LRTM3: variants seen among roughly 807,000 people sequenced by gnomAD.
The protein encoded by LRTM3 is leucine rich repeat transmembrane protein 3, also known as leucine-rich repeat transmembrane protein 3.
chr13:102,748,735 A>C, the LRTM3 span: 1 of 1,549,732 alleles, frequency 6.5e-7, no homozygotes, highest in Non-Finnish European at 8.7e-7. Context: ...AGTCTTTAAG[A>C]GATTCTTTAC....
the LRTM3 span, chr13:102,758,414 C>A: frequency 6.5e-7 from 1 of 1,530,558 alleles, no homozygotes; most frequent in Middle Eastern, 1.7e-4. Context: ...ACATACCTTT[C>A]TCCTGAAGAT....
the LRTM3 span, chr13:102,737,482 CT>C: frequency 6.4e-7 from 1 of 1,550,516 alleles, no homozygotes; most frequent in African/African-American, 1.4e-5. Context: ...CTTGCTGTTG[CT>C]CTTCAGTTTC....
At chr13:102,749,602 A>C in the LRTM3 span, 1 of 1,551,434 alleles carries the variant, frequency 6.4e-7, no homozygotes, top group African/African-American at 1.4e-5. Context: ...GTTGGTTCCT[A>C]TCCAGATCTT....
the LRTM3 span, chr13:102,739,355 T>A: frequency 6.5e-7 from 1 of 1,549,686 alleles, no homozygotes. Context: ...TTCTATTACA[T>A]TACTTAAACT....
chr13:102,741,299 A>G, the LRTM3 span: 1 of 1,550,102 alleles, frequency 6.5e-7, no homozygotes, highest in South Asian at 1.2e-5. Context: ...TGCTGTATTC[A>G]CTGCCTGTTT....
At chr13:102,736,597 A>G in the LRTM3 span, 2 of 1,551,072 alleles carry the variant, frequency 1.3e-6, no homozygotes, top group Non-Finnish European at 1.7e-6. Context: ...GGAAAGCTGA[A>G]GAAGTGACAA....
chr13:102,753,401 G>A, the LRTM3 span, among the ~76,000 whole-genome samples: 1 of 151,590 alleles, frequency 6.6e-6, no homozygotes, highest in Non-Finnish European at 1.5e-5. Context: ...CTAGATGACG[G>A]GTTGATAGGT....
chr13:102,752,643 C>G, the LRTM3 span, among the ~76,000 whole-genome samples: 5 of 152,146 alleles, frequency 3.3e-5, no homozygotes, highest in Non-Finnish European at 5.9e-5. Context: ...TTTTCAAGTT[C>G]TCTCAAATTT....
the LRTM3 span, chr13:102,732,581 T>A: frequency 6.4e-7 from 1 of 1,551,254 alleles, no homozygotes; most frequent in Non-Finnish European, 8.7e-7. Context: ...TAGTTCTTTT[T>A]TCTGCTTTTG....
the LRTM3 span, chr13:102,729,770 C>T: frequency 1.3e-6 from 2 of 1,551,882 alleles, no homozygotes; most frequent in Non-Finnish European, 1.7e-6. Flanking sequence ...ATCATACACT[C>T]TCTTCTTTCT....
chr13:102,730,984 T>C, the LRTM3 span: 11 of 1,551,492 alleles, frequency 7.1e-6, no homozygotes, highest in East Asian at 2.0e-4. Context: ...TTGCATAAGA[T>C]TCTCTTACAA....
the LRTM3 span, chr13:102,744,380 T>C: frequency 1.5e-5 from 23 of 1,550,106 alleles, no homozygotes; most frequent in South Asian, 2.4e-4. Context: ...AATAGAACTA[T>C]CCCATTTCCT....
chr13:102,747,056 A>G, the LRTM3 span: 1 of 1,551,188 alleles, frequency 6.4e-7, no homozygotes, highest in Non-Finnish European at 8.7e-7. Flanking sequence ...GCTATCATGC[A>G]GGACTGCTTT....
the LRTM3 span, chr13:102,733,419 ATCTC>A: frequency 6.4e-7 from 1 of 1,551,342 alleles, no homozygotes; most frequent in Non-Finnish European, 8.7e-7. Context: ...TGGTGAGCGT[ATCTC>A]TCTGAAACAG....
the LRTM3 span, chr13:102,738,014 C>G: frequency 6.4e-7 from 1 of 1,550,432 alleles, no homozygotes. Context: ...TTTGTCTTCT[C>G]TATCAACCTT....
the LRTM3 span, chr13:102,746,172 T>C: frequency 1.3e-6 from 2 of 1,551,186 alleles, no homozygotes; most frequent in East Asian, 2.4e-5. Context: ...TGTCCATTAA[T>C]ATGTAGCTCC....
chr13:102,750,411 A>G, the LRTM3 span: 6 of 1,261,032 alleles, frequency 4.8e-6, no homozygotes, highest in African/African-American at 7.6e-5. Flanking sequence ...AAAACAGTGT[A>G]CAAATGAATA....
the LRTM3 span, among the ~76,000 whole-genome samples, chr13:102,752,308 C>T: frequency 6.6e-6 from 1 of 152,190 alleles, no homozygotes; most frequent in Non-Finnish European, 1.5e-5. Flanking sequence ...ATTCATGACT[C>T]CTCCTACAGC....
chr13:102,748,343 T>C, the LRTM3 span: 1 of 1,550,974 alleles, frequency 6.4e-7, no homozygotes, highest in Non-Finnish European at 8.7e-7. Flanking sequence ...TTTTATGGCT[T>C]CTAATTCTTC....
Sources: allele counts gnomAD v4.1 joint callset (sites outside exome capture counted in the v4.1 genomes callset), GRCh38; gene constraint gnomAD v4.1.1; transcripts MANE v1.5; gene names NCBI Gene and HGNC (gene_info 2026-07-23, HGNC 2026-07-21).